ZBTB7C: variants seen among roughly 807,000 people sequenced by gnomAD.
ZBTB7C encodes zinc finger and BTB domain containing 7C.
ZBTB7C carries 8 observed loss-of-function variants against 25.7 expected under a neutral mutation model. The observed-to-expected ratio is 0.31, with a 90% CI of 0.18 to 0.56. The LOEUF is 0.56. ZBTB7C is among the 20% of genes least tolerant of loss of function. The pLI is 0.91. For synonymous variants in ZBTB7C, 394 were observed against 369.0 expected (o/e 1.07, Z -0.78); for missense variants, 824 against 855.2 (o/e 0.96, Z 0.46).
intron 3 of ZBTB7C, among the ~76,000 whole-genome samples, chr18:48,045,929 G>A (rs1421120214): frequency 6.6e-6 from 1 of 152,216 alleles, no homozygotes; most frequent in Non-Finnish European, 1.5e-5. Flanking sequence ...CATGGCAGAG[G>A]ATTGAGGCCT....
At chr18:48,360,318 T>C (rs1170725221) in intron 1 of ZBTB7C, among the ~76,000 whole-genome samples, 2 of 152,246 alleles carry the variant, frequency 1.3e-5, no homozygotes, top group Non-Finnish European at 2.9e-5. Context: ...AGGAGACTCC[T>C]GCAGAGTCAA....
intron 3 of ZBTB7C, among the ~76,000 whole-genome samples, chr18:48,068,432 C>G (rs1322488686): frequency 6.6e-6 from 1 of 152,070 alleles, no homozygotes; most frequent in Non-Finnish European, 1.5e-5. Context: ...AGCCACCGCA[C>G]CTGGCTGAGC....
chr18:48,387,993 AT>A (rs2047790961), intron 1 of ZBTB7C, among the ~76,000 whole-genome samples: 1 of 152,014 alleles, frequency 6.6e-6, no homozygotes, highest in Admixed American at 6.6e-5. Flanking sequence ...CACCCAGCTA[AT>A]TTTTGTAGTT....
intron 2 of ZBTB7C, among the ~76,000 whole-genome samples, chr18:48,196,687 T>G (rs1242004506): frequency 1.3e-5 from 2 of 152,152 alleles, no homozygotes; most frequent in African/African-American, 4.8e-5. Context: ...CTTCTGAAAG[T>G]CTTTTTTTTC....
Position 48,134,126 on chromosome 18 carries a change from G to GA in ZBTB7C, c.-17+51807dup, listed in dbSNP as rs1568244977. On this transcript the variant is annotated intron_variant, in intron 3 of 4. Coordinates refer to ENST00000590800, the MANE Select transcript of ZBTB7C (RefSeq NM_001318841.2). ...TTTTTTTTTTTAAGAAAAGGAAGTA[G>GA]AAAAAAACTATTCTTCTAGCAGAAG... is the stretch of plus-strand genomic sequence containing the variant. Among the ~76,000 whole-genome samples the GA allele has an allele frequency of 3.6e-5, 5 of 137,914 alleles. No homozygotes were observed. In the South Asian group the frequency reaches 1.1e-3, roughly 31 times the overall value. 90.5% of individuals were successfully genotyped at this position (137,914 alleles called of 152,430 possible). A position where few individuals can be genotyped will look rare whatever the true frequency, so the allele number is the denominator to read the frequency against.
intron 3 of ZBTB7C, among the ~76,000 whole-genome samples, chr18:48,094,828 G>A (rs758783524): frequency 1.3e-5 from 2 of 152,038 alleles, no homozygotes; most frequent in South Asian, 2.1e-4. Flanking sequence ...CATTAAAATG[G>A]AACACTTTGA....
intron 2 of ZBTB7C, among the ~76,000 whole-genome samples, chr18:48,297,213 T>C (rs964876644): frequency 1.3e-4 from 20 of 152,336 alleles, no homozygotes; most frequent in African/African-American, 4.6e-4. Context: ...TTGGATTTAT[T>C]TTTTATTTTA....
chr18:48,354,703 C>G (rs971465463), intron 1 of ZBTB7C, among the ~76,000 whole-genome samples: 1 of 152,160 alleles, frequency 6.6e-6, no homozygotes, highest in Non-Finnish European at 1.5e-5. Context: ...GCAAATCCAA[C>G]AGCAATTCCA....
rs2038936833 is a variant in ZBTB7C at position 48,103,910 on chromosome 18, T to C, written c.-16-62787A>G. Among the ~76,000 whole-genome samples, 7 of 152,218 alleles carry C rather than the reference T, an allele frequency of 4.6e-5. No homozygotes were observed. The South Asian group carries it at 1.2e-3, about 27-fold the overall frequency. ...CCAATCTATAGAGACATAAAGTAGA[T>C]TAATCGTTGCCAGGGGTCGAGGGTG... On this transcript the variant is annotated intron_variant, in intron 3 of 4. Transcript: ENST00000590800.
At chr18:48,249,274 T>C (rs942318873) in intron 2 of ZBTB7C, among the ~76,000 whole-genome samples, 7 of 152,198 alleles carry the variant, frequency 4.6e-5, no homozygotes, top group Non-Finnish European at 8.8e-5. Context: ...ATTATTCCTA[T>C]GGAAATTCAA....
intron 2 of ZBTB7C, among the ~76,000 whole-genome samples, chr18:48,270,294 T>C (rs2044440469): frequency 7.0e-6 from 1 of 142,784 alleles, no homozygotes; most frequent in Admixed American, 7.1e-5. Flanking sequence ...AGTCTCGCTC[T>C]GTTGCCAGGC....
intron 1 of ZBTB7C, among the ~76,000 whole-genome samples, chr18:48,387,256 T>C (rs939631944): frequency 6.6e-6 from 1 of 152,208 alleles, no homozygotes; most frequent in African/African-American, 2.4e-5. Flanking sequence ...TCTGAACTCA[T>C]TGGAGGGTTT....
At chr18:48,067,096 C>T (rs2037358315) in intron 3 of ZBTB7C, among the ~76,000 whole-genome samples, 1 of 151,376 alleles carries the variant, frequency 6.6e-6, no homozygotes, top group South Asian at 2.1e-4. Flanking sequence ...AGCAAGTCTC[C>T]ATCTCCAAAA....
chr18:48,048,889 G>A (rs527766837), intron 3 of ZBTB7C, among the ~76,000 whole-genome samples: 2 of 152,130 alleles, frequency 1.3e-5, no homozygotes, highest in Non-Finnish European at 2.9e-5. Flanking sequence ...AGCTTGGCAA[G>A]GCTGGTACAA....
chr18:48,298,215 G>A (rs2045449244), intron 2 of ZBTB7C, among the ~76,000 whole-genome samples: 1 of 151,554 alleles, frequency 6.6e-6, no homozygotes, highest in Admixed American at 6.6e-5. Context: ...TGCAAGTGGA[G>A]GTTGCAGTGA....
At chr18:48,268,603 G>C (rs1363252103) in intron 2 of ZBTB7C, among the ~76,000 whole-genome samples, 2 of 152,060 alleles carry the variant, frequency 1.3e-5, no homozygotes, top group Admixed American at 6.5e-5. Flanking sequence ...GGGTGGGGGG[G>C]ATTCTCAATA....
chr18:48,308,019 C>T (rs1555736824), intron 2 of ZBTB7C, among the ~76,000 whole-genome samples: 1 of 152,168 alleles, frequency 6.6e-6, no homozygotes, highest in Non-Finnish European at 1.5e-5. Flanking sequence ...GAATTAACCT[C>T]ATAAGACCAT....
At chr18:48,176,790 G>A (rs548965364) in intron 3 of ZBTB7C, among the ~76,000 whole-genome samples, 4 of 152,358 alleles carry the variant, frequency 2.6e-5, no homozygotes, top group Admixed American at 6.5e-5. Context: ...AAATTTAAAT[G>A]TATGTTCCAA....
At chr18:48,293,185 C>T (rs2045283935) in intron 2 of ZBTB7C, among the ~76,000 whole-genome samples, 1 of 152,204 alleles carries the variant, frequency 6.6e-6, no homozygotes, top group Admixed American at 6.5e-5. Flanking sequence ...GTATTGCTCC[C>T]AGTTCTGAAG....
Sources: gnomAD v4.1 joint callset for allele counts (sites outside exome capture counted in the v4.1 genomes callset) on GRCh38, gnomAD v4.1.1 for gene constraint, MANE v1.5 for transcripts, NCBI Gene and HGNC (gene_info 2026-07-23, HGNC 2026-07-21) for gene names.